The following HFM1 variants were observed in gnomAD, a reference collection of about 807,000 sequenced individuals.
The protein encoded by HFM1 is probable ATP-dependent DNA helicase HFM1.
HFM1 carries 169 observed loss-of-function variants against 192.1 expected under a neutral mutation model. That is an observed-to-expected ratio of 0.88 (90% CI 0.78 to 1.00). HFM1 has a LOEUF of 1.00. Among genes scored for constraint, HFM1 ranks in the 50% least tolerant of loss-of-function variants. The pLI is 0.00. For synonymous variants in HFM1, 525 were observed against 537.8 expected (o/e 0.98, Z 0.33); for missense variants, 1,661 against 1,668.0 (o/e 1.00, Z 0.07).
chr1:91,381,125 G>A, intron 6 of HFM1, 143 bp from the exon 7 acceptor site: 1 of 563,496 alleles, frequency 1.8e-6, no homozygotes, highest in Non-Finnish European at 3.2e-6. Context: ...CTTAGGAAAA[G>A]AATTATCATA....
At chr1:91,277,430 A>G (rs1666934626) in intron 30 of HFM1, among the ~76,000 whole-genome samples, 1 of 148,074 alleles carries the variant, frequency 6.8e-6, no homozygotes. Context: ...CCCCACTATT[A>G]CTCCCAACAA....
At chr1:91,299,655 G>A (rs1648350512) in intron 30 of HFM1, among the ~76,000 whole-genome samples, 3 of 152,174 alleles carry the variant, frequency 2.0e-5, no homozygotes, top group Non-Finnish European at 2.9e-5. Flanking sequence ...CAACTACATG[G>A]AAACTGAACA....
chr1:91,294,683 A>G (rs750989198), intron 30 of HFM1, among the ~76,000 whole-genome samples: 22 of 152,194 alleles, frequency 1.4e-4, no homozygotes, highest in Non-Finnish European at 2.5e-4. Flanking sequence ...CCTTTTAGGA[A>G]AGTTTTCTGA....
At chr1:91,285,434 A>AT (rs1380746978) in intron 30 of HFM1, among the ~76,000 whole-genome samples, 1 of 152,192 alleles carries the variant, frequency 6.6e-6, no homozygotes, top group Non-Finnish European at 1.5e-5. Context: ...TAATAACACC[A>AT]TTTGACAAGG....
At chr1:91,265,500 A>G (rs1036148595) in intron 36 of HFM1, among the ~76,000 whole-genome samples, 1 of 35,344 alleles carries the variant, frequency 2.8e-5, no homozygotes, top group African/African-American at 1.2e-4. Flanking sequence ...TCTTGAAGGT[A>G]TTTGGGTTTG....
At chr1:91,271,317 A>T (rs770938054) in intron 34 of HFM1, among the ~76,000 whole-genome samples, 17 of 152,180 alleles carry the variant, frequency 1.1e-4, no homozygotes, top group Non-Finnish European at 2.2e-4. Context: ...AAGTAGCAAC[A>T]GGCATAGCTA....
chr1:91,283,986 C>A lies in HFM1; in HGVS notation c.3392-6924G>T, dbSNP rs146820575. Among the ~76,000 whole-genome samples the A allele has an allele frequency of 7.0e-3, 1,069 of 151,880 alleles. 14 individuals are homozygous for A. Among genetic ancestry groups the A allele is most frequent in the African/African-American group, 0.024 (997 of 41,434 alleles). ...TAGATTTATGCAATTCATGGTTTTA[C>A]TTTTTTTAATGATGAGAGAGTCTCC... On this transcript the variant is annotated intron_variant, in intron 30 of 38. Coordinates refer to ENST00000370425, the MANE Select transcript of HFM1 (RefSeq NM_001017975.6).
chr1:91,299,774 C>T (rs1648374964), intron 30 of HFM1, among the ~76,000 whole-genome samples: 1 of 152,156 alleles, frequency 6.6e-6, no homozygotes, highest in Non-Finnish European at 1.5e-5. Flanking sequence ...CTCTGGGACA[C>T]ATTCAAAGCA....
intron 18 of HFM1, among the ~76,000 whole-genome samples, chr1:91,348,971 C>T (rs917476522): frequency 4.6e-5 from 7 of 150,946 alleles, no homozygotes; most frequent in African/African-American, 1.7e-4. Context: ...GTGCAGAAGA[C>T]TAAAATAATG....
chr1:91,387,234 C>T (rs1393064108), intron 4 of HFM1, among the ~76,000 whole-genome samples: 1 of 152,152 alleles, frequency 6.6e-6, no homozygotes, highest in Non-Finnish European at 1.5e-5. Context: ...CTCCAGCTCA[C>T]GTTCCCTATT....
chr1:91,274,631 A>T (rs1570739633), intron 33 of HFM1, 99 bp downstream of exon 33: 1 of 568,564 alleles, frequency 1.8e-6, no homozygotes, highest in Non-Finnish European at 3.2e-6. Flanking sequence ...CTGTGACTTG[A>T]TGGTAGCCAG....
At chr1:91,403,707 CA>C (rs1664550233) in intron 1 of HFM1, among the ~76,000 whole-genome samples, 1 of 152,108 alleles carries the variant, frequency 6.6e-6, no homozygotes, top group African/African-American at 2.4e-5. Context: ...CTGCTATAAT[CA>C]CTGTTAAAAT....
chr1:91,279,960 T>C (rs1312645083), intron 30 of HFM1, among the ~76,000 whole-genome samples: 1 of 151,866 alleles, frequency 6.6e-6, no homozygotes, highest in Non-Finnish European at 1.5e-5. Flanking sequence ...GGAAAAAAGA[T>C]TTAATATCTG....
chr1:91,302,663 C>G (rs1648976549), intron 30 of HFM1, among the ~76,000 whole-genome samples: 3 of 151,900 alleles, frequency 2.0e-5, no homozygotes, highest in Admixed American at 1.3e-4. Context: ...AACCATCATT[C>G]TCAGCAAACT....
intron 30 of HFM1, among the ~76,000 whole-genome samples, chr1:91,288,366 C>CTTTTTTTTTTT (rs35536576): frequency 7.4e-6 from 1 of 134,330 alleles, no homozygotes. Context: ...ATTCAACATT[C>CTTTTTTTTTTT]TTTTTTTTTT....
chr1:91,398,196 A>T (rs1170444744), intron 2 of HFM1, among the ~76,000 whole-genome samples: 2 of 152,234 alleles, frequency 1.3e-5, no homozygotes, highest in Non-Finnish European at 2.9e-5. Context: ...AGAAAACCTA[A>T]GAAAGAGGAA....
Position 91,338,550 on chromosome 1 carries a change from G to A in HFM1, c.2335+4880C>T, listed in dbSNP as rs117521753. On this transcript the variant is annotated intron_variant, in intron 20 of 38. Coordinates refer to ENST00000370425, the MANE Select transcript of HFM1 (RefSeq NM_001017975.6). ...ACTGAACCATTAGATGGACCCTGCC[G>A]ATGTGCACCCACCAACAGCCTCCTC... is the stretch of plus-strand genomic sequence containing the variant. Among the ~76,000 whole-genome samples, 77 of 152,226 alleles carry A rather than the reference G, an allele frequency of 5.1e-4. No individual in the cohort carries two copies. The East Asian group carries it at 0.014, about 28-fold the overall frequency.
At chr1:91,403,930 G>A (rs1015755791) in intron 1 of HFM1, among the ~76,000 whole-genome samples, 2 of 151,978 alleles carry the variant, frequency 1.3e-5, no homozygotes, top group Admixed American at 6.6e-5. Flanking sequence ...AAAATTGCAG[G>A]CCTATTACTT....
intron 13 of HFM1, among the ~76,000 whole-genome samples, chr1:91,363,636 A>G (rs1658835798): frequency 6.6e-6 from 1 of 152,164 alleles, no homozygotes; most frequent in African/African-American, 2.4e-5. Context: ...GCAATTCCTC[A>G]AAGACCTACA....
Sources: gnomAD v4.1 joint callset for allele counts (sites outside exome capture counted in the v4.1 genomes callset) on GRCh38, gnomAD v4.1.1 for gene constraint, MANE v1.5 for transcripts, NCBI Gene and HGNC (gene_info 2026-07-23, HGNC 2026-07-21) for gene names.